The following NALF1 variants were observed in gnomAD, a reference collection of about 807,000 sequenced individuals.
NALF1 encodes the protein family with sequence similarity 155 member A.
In NALF1, 3 loss-of-function variants were observed where a neutral mutation model predicts 48.4. That is an observed-to-expected ratio of 0.06 (90% CI 0.03 to 0.16). The LOEUF (loss-of-function observed/expected upper bound fraction) is 0.16, where lower values mean the gene tolerates loss of function less well. Ranked by LOEUF, NALF1 falls within the 10% of genes least tolerant of loss-of-function variation. The pLI is 1.00. For synonymous variants in NALF1, 262 were observed against 245.7 expected, an observed-to-expected ratio of 1.07 and a Z score of -0.62; for missense variants, 526 against 571.5, an observed-to-expected ratio of 0.92 and a Z score of 0.81.
At chr13:107,851,282 T>A (rs999060896) in intron 1 of NALF1, among the ~76,000 whole-genome samples, 2 of 152,216 alleles carry the variant, frequency 1.3e-5, no homozygotes, top group South Asian at 4.1e-4. Flanking sequence ...GCTTCTAATT[T>A]GGAAAACAAG....
At chr13:107,596,063 G>A (rs1422841853) in intron 1 of NALF1, among the ~76,000 whole-genome samples, 1 of 152,124 alleles carries the variant, frequency 6.6e-6, no homozygotes, top group Non-Finnish European at 1.5e-5. Flanking sequence ...CAGTCTTCGA[G>A]GGCAATGGAG....
chr13:107,299,471 T>TAAA (rs71121521), intron 1 of NALF1, among the ~76,000 whole-genome samples: 1 of 51,498 alleles, frequency 1.9e-5, no homozygotes, highest in African/African-American at 9.0e-5. Context: ...ATAATAATAA[T>TAAA]AAATAAATAA....
chr13:107,574,759 CGCTGATT>C (rs1566399357), intron 1 of NALF1, among the ~76,000 whole-genome samples: 1 of 152,106 alleles, frequency 6.6e-6, no homozygotes, highest in African/African-American at 2.4e-5. Context: ...CTAAAGGACA[CGCTGATT>C]TCTCAATCTG....
chr13:107,863,800 A>C (rs936467595), intron 1 of NALF1, among the ~76,000 whole-genome samples: 2 of 152,192 alleles, frequency 1.3e-5, no homozygotes, highest in Non-Finnish European at 2.9e-5. Context: ...AGGGGAAAGA[A>C]AACTTTTTAA....
intron 1 of NALF1, among the ~76,000 whole-genome samples, chr13:107,505,985 T>C (rs1172483537): frequency 1.3e-5 from 2 of 152,174 alleles, no homozygotes; most frequent in Non-Finnish European, 2.9e-5. Context: ...TAAATACTGA[T>C]AGAACTTGTG....
chr13:107,798,968 C>T (rs1321867516), intron 1 of NALF1, among the ~76,000 whole-genome samples: 3 of 152,158 alleles, frequency 2.0e-5, no homozygotes, highest in Non-Finnish European at 4.4e-5. Flanking sequence ...CTCACAAGTG[C>T]CTTATAATTA....
chr13:107,262,414 C>CA (rs555761341), intron 1 of NALF1, among the ~76,000 whole-genome samples: 6 of 151,886 alleles, frequency 4.0e-5, no homozygotes, highest in South Asian at 2.1e-4. Context: ...AACTCTGTCT[C>CA]AAAAAAACAA....
chr13:107,388,810 G>A (rs917065641), intron 1 of NALF1, among the ~76,000 whole-genome samples: 2 of 151,932 alleles, frequency 1.3e-5, no homozygotes, highest in African/African-American at 4.8e-5. Flanking sequence ...CCTGCACCAC[G>A]GCAGGGATAG....
At chr13:107,762,027 C>T (rs1877278461) in intron 1 of NALF1, among the ~76,000 whole-genome samples, 2 of 152,158 alleles carry the variant, frequency 1.3e-5, no homozygotes. Context: ...TTGCCATCAT[C>T]ATTATTAAGA....
At position 107,396,456 on chromosome 13, in the gene NALF1, A is replaced by C. The variant is rs1015311628; in HGVS notation, c.916-185701T>G. On this transcript the variant is annotated intron_variant, in intron 1 of 2. Transcript: ENST00000375915. ...GGCACAGCTGTGCTACCAAGAACAT[A>C]TACAGTGAAAGCTCTTTACAATCAG... Among the ~76,000 whole-genome samples the C allele has an allele frequency of 6.6e-5, 10 of 152,308 alleles. No individual in the cohort carries two copies. In the East Asian group the frequency reaches 1.9e-3, roughly 29 times the overall value.
chr13:107,289,690 G>GAGTCT (rs1881575845), intron 1 of NALF1, among the ~76,000 whole-genome samples: 1 of 152,096 alleles, frequency 6.6e-6, no homozygotes, highest in African/African-American at 2.4e-5. Flanking sequence ...TGAAATCCAC[G>GAGTCT]AGTCTCCATC....
intron 1 of NALF1, among the ~76,000 whole-genome samples, chr13:107,807,424 A>G (rs1247666113): frequency 1.3e-5 from 2 of 152,184 alleles, no homozygotes; most frequent in African/African-American, 4.8e-5. Flanking sequence ...AAAATGACAC[A>G]CCAATATGTG....
At chr13:107,678,240 T>C (rs189123030) in intron 1 of NALF1, among the ~76,000 whole-genome samples, 88 of 152,164 alleles carry the variant, frequency 5.8e-4, no homozygotes, top group Non-Finnish European at 1.1e-3. Context: ...GAGGACATGG[T>C]GAACGGGAGG....
chr13:107,222,102 A>G (rs1281272580), intron 1 of NALF1, among the ~76,000 whole-genome samples: 1 of 152,146 alleles, frequency 6.6e-6, no homozygotes, highest in Admixed American at 6.6e-5. Context: ...AAACCCTGCA[A>G]ATTGGTGACA....
chr13:107,784,929 T>C (rs1211038470), intron 1 of NALF1, among the ~76,000 whole-genome samples: 1 of 152,078 alleles, frequency 6.6e-6, no homozygotes, highest in Non-Finnish European at 1.5e-5. Context: ...GATACCATTA[T>C]ATGAAAAAGA....
intron 1 of NALF1, among the ~76,000 whole-genome samples, chr13:107,298,207 G>C (rs1353110172): frequency 2.0e-5 from 3 of 151,334 alleles, no homozygotes; most frequent in Admixed American, 2.0e-4. Context: ...AAAATTAGCC[G>C]GGTGTGTTGG....
At chr13:107,720,281 G>A (rs1289557468) in intron 1 of NALF1, among the ~76,000 whole-genome samples, 1 of 152,180 alleles carries the variant, frequency 6.6e-6, no homozygotes, top group Non-Finnish European at 1.5e-5. Flanking sequence ...GGAGGCCAAG[G>A]AGGGCAAACC....
At chr13:107,377,436 T>C (rs1883357992) in intron 1 of NALF1, among the ~76,000 whole-genome samples, 1 of 152,098 alleles carries the variant, frequency 6.6e-6, no homozygotes, top group African/African-American at 2.4e-5. Flanking sequence ...TCTAAAAGAA[T>C]GCATTTTGCA....
intron 1 of NALF1, among the ~76,000 whole-genome samples, chr13:107,398,582 T>C (rs372935455): frequency 3.4e-4 from 52 of 152,250 alleles, no homozygotes; most frequent in African/African-American, 1.3e-3. Context: ...AAATTGATTT[T>C]TTTCATGTGT....
Sources: gnomAD v4.1 joint callset for allele counts (sites outside exome capture counted in the v4.1 genomes callset) on GRCh38, gnomAD v4.1.1 for gene constraint, MANE v1.5 for transcripts, NCBI Gene and HGNC (gene_info 2026-07-23, HGNC 2026-07-21) for gene names.